The following TRIR variants were observed in gnomAD, a reference collection of about 807,000 sequenced individuals.
The protein encoded by TRIR is telomerase RNA component interacting RNase, also known as telomerase RNA component-interacting RNase.
Under a neutral mutation model 18.2 loss-of-function variants are expected in TRIR, and 5 were observed. The ratio of observed to expected loss-of-function variants is 0.27; its 90% CI spans 0.14 to 0.58. The LOEUF (loss-of-function observed/expected upper bound fraction) is 0.58. TRIR is among the 20% of genes least tolerant of loss of function. TRIR has a pLI of 0.91. For missense variants in TRIR, 206 were observed against 252.8 expected, an observed-to-expected ratio of 0.81 and a Z score of 1.25; for synonymous variants, 134 against 114.4, an observed-to-expected ratio of 1.17 and a Z score of -1.10.
chr19:12,734,598 G>A lies in TRIR; in HGVS notation c.60C>T (p.Gly20=), dbSNP rs764988388. The A allele has an allele frequency of 5.3e-6, 8 of 1,518,848 alleles. No homozygotes were observed. The South Asian group carries it at 6.1e-5, about 12-fold the overall frequency. 94.1% of individuals were successfully genotyped at this position (1,518,848 alleles called of 1,614,324 possible). Reference sequence around the variant, plus strand: ...CCCAACGGCTCCCGCCACCGCCACCGCCCGCGGGGCCCGGAGCCTCCCGGC... The same window carrying A: ...CCCAACGGCTCCCGCCACCGCCACCACCCGCGGGGCCCGGAGCCTCCCGGC... The part of the protein sequence containing the change: ...PQGREAPGPA[G]GGGGGSRWAE... The change falls in exon 1 of 3, where the codon GGC becomes GGT. Residue 20 remains glycine, a synonymous_variant. Transcript: ENST00000242784. This position sits in a 1 kb window ranked among gnomAD's most constrained non-coding sequence, Gnocchi z 4.1.
At chr19:12,732,597 T>C (rs77618103) in intron 1 of TRIR, among the ~76,000 whole-genome samples, 3,318 of 141,518 alleles carry the variant, frequency 0.023, 117 homozygotes, top group African/African-American at 0.08. Flanking sequence ...ACTATTTCCA[T>C]TTTTTTTTTT....
Position 12,734,273 on chromosome 19 carries a change from A to ACAGGC in TRIR, c.345+35_345+39dup. ...ACGGGCCCCGACTCCCGCTGCCAAGACAGGCCGTGGCGCCCGCCCCCACCC... is the reference window on the plus strand; with the variant it reads ...ACGGGCCCCGACTCCCGCTGCCAAGACAGGCCAGGCCGTGGCGCCCGCCCCCACCC... On this transcript the variant is annotated intron_variant, in intron 1 of 2. Coordinates refer to ENST00000242784, the MANE Select transcript of TRIR (RefSeq NM_024038.4). The surrounding 1 kb of genome is among the most constrained non-coding windows in gnomAD (Gnocchi z 4.1). The ACAGGC allele has an allele frequency of 3.6e-6, 5 of 1,379,264 alleles. No individual in the cohort carries two copies. Among genetic ancestry groups the ACAGGC allele is most frequent in the Non-Finnish European group, 4.7e-6 (5 of 1,068,002 alleles). The allele number at this position is 1,379,264 out of a possible 1,614,324, so 85.4% of individuals were successfully genotyped here.
intron 1 of TRIR, among the ~76,000 whole-genome samples, chr19:12,732,605 T>A (rs999103083): frequency 5.3e-5 from 8 of 151,940 alleles, no homozygotes; most frequent in Non-Finnish European, 1.0e-4. Context: ...CATTTTTTTT[T>A]TTTTTTGGAG....
In TRIR at chr19:12,730,646, A is replaced by G. The variant is rs1484610911; in HGVS notation, c.*315T>C. On this transcript the variant is annotated 3_prime_UTR_variant, in exon 3 of 3. Coordinates refer to ENST00000242784, the MANE Select transcript of TRIR (RefSeq NM_024038.4). ...GACAAACCAAGCACACAGCTCCGGC[A>G]CTAAGTCAAGTTCTTTACTTCCCAG... 4.8e-6 allele frequency: 2 copies of G among 416,096 alleles called. No homozygotes were observed. The highest frequency in any genetic ancestry group is 7.8e-5 in the Admixed American group (2 of 25,714). 25.8% of individuals were successfully genotyped at this position (416,096 alleles called of 1,614,324 possible).
rs1369753223 is a variant in TRIR at position 12,734,340 on chromosome 19, C to G, written c.318G>C (p.Lys106Asn). The G allele has an allele frequency of 6.9e-7, 1 of 1,451,346 alleles. No homozygotes were observed. The allele number at this position is 1,451,346 out of a possible 1,614,324, so 89.9% of individuals were successfully genotyped here. A position where few individuals can be genotyped will look rare whatever the true frequency, so the allele number is the denominator to read the frequency against. The change falls in exon 1 of 3, where the codon AAG (lysine) becomes AAC (asparagine). Residue 106 changes from lysine (K) to asparagine (N), a missense_variant. Coordinates refer to ENST00000242784, the MANE Select transcript of TRIR (RefSeq NM_024038.4). This position sits in a 1 kb window ranked among gnomAD's most constrained non-coding sequence, Gnocchi z 4.1. ...AGCTAAGTGTGGAGCCCGGACCGCC[C>G]TTCCTCTTCGGATCCCCGGGGCCAG... ...AAAGPGDPKRKGGPGSTLSFV... is the reference protein window; with the variant it reads ...AAAGPGDPKRNGGPGSTLSFV...
chr19:12,731,177 G>T lies in TRIR; in HGVS notation c.424-109C>A. 7.8e-7 allele frequency: 1 copy of T among 1,281,346 alleles called. No homozygotes were observed. Among genetic ancestry groups the T allele is most frequent in the Non-Finnish European group, 1.1e-6 (1 of 882,272 alleles). 79.4% of individuals were successfully genotyped at this position (1,281,346 alleles called of 1,614,324 possible). A position where few individuals can be genotyped will look rare whatever the true frequency, so the allele number is the denominator to read the frequency against. ...GTCACCCAGAAGACTCTGGGTTTGAGCTGAAGATTATAAAGTCAAGTTATC... is the reference window on the plus strand; with the variant it reads ...GTCACCCAGAAGACTCTGGGTTTGATCTGAAGATTATAAAGTCAAGTTATC... On this transcript the variant is annotated intron_variant, in intron 2 of 2. Transcript: ENST00000242784. The surrounding 1 kb of genome is among the most constrained non-coding windows in gnomAD (Gnocchi z 5.1).
In TRIR at chr19:12,734,618, C is replaced by T. The variant is rs1273767483; in HGVS notation, c.40G>A (p.Glu14Lys). 1 of 1,516,192 alleles carries T rather than the reference C, an allele frequency of 6.6e-7. No homozygotes were observed. The highest frequency in any genetic ancestry group is 8.8e-7 in the Non-Finnish European group (1 of 1,138,716). The allele number at this position is 1,516,192 out of a possible 1,614,324, so 93.9% of individuals were successfully genotyped here. Residue 14 changes from glutamate to lysine, a missense_variant, in exon 1 of 3, where the codon GAG (glutamate) becomes AAG (lysine). Around this residue, in one of 2 missense-constraint regions of TRIR, gnomAD observed 172 missense variants for 165.0 expected, o/e 1.04. Transcript: ENST00000242784. The surrounding 1 kb of genome is among the most constrained non-coding windows in gnomAD (Gnocchi z 4.1). ...CCACCGCCCGCGGGGCCCGGAGCCTCCCGGCCCTGAGGCTCCGCCCGTCTC... is the reference window on the plus strand; with the variant it reads ...CCACCGCCCGCGGGGCCCGGAGCCTTCCGGCCCTGAGGCTCCGCCCGTCTC... ...RGRRAEPQGR[E>K]APGPAGGGGG...
intron 1 of TRIR, among the ~76,000 whole-genome samples, chr19:12,732,247 G>A (rs183284202): frequency 1.3e-5 from 2 of 152,172 alleles, no homozygotes; most frequent in South Asian, 2.1e-4. Flanking sequence ...CAGGTGGGTC[G>A]AAGCCTCTGG....
In TRIR at chr19:12,734,296, C is replaced by G; in HGVS notation, c.345+17G>C. 7.2e-7 allele frequency: 1 copy of G among 1,388,144 alleles called. No homozygotes were observed. The highest frequency in any genetic ancestry group is 9.3e-7 in the Non-Finnish European group (1 of 1,071,962). 86.0% of individuals were successfully genotyped at this position (1,388,144 alleles called of 1,614,324 possible). A position where few individuals can be genotyped will look rare whatever the true frequency, so the allele number is the denominator to read the frequency against. ...AGACAGGCCGTGGCGCCCGCCCCCA[C>G]CCCCACGGCTCCTTACGAAGCTAAG... On this transcript the variant is annotated intron_variant, in intron 1 of 2. Coordinates refer to ENST00000242784, the MANE Select transcript of TRIR (RefSeq NM_024038.4). The surrounding 1 kb of genome is among the most constrained non-coding windows in gnomAD (Gnocchi z 4.1).
chr19:12,731,644 C>T lies in TRIR; in HGVS notation c.346-223G>A. 1 of 577,448 alleles carries T rather than the reference C, an allele frequency of 1.7e-6. No homozygotes were observed. Among genetic ancestry groups the T allele is most frequent in the Non-Finnish European group, 3.1e-6 (1 of 324,580 alleles). 35.8% of individuals were successfully genotyped at this position (577,448 alleles called of 1,614,324 possible). A position where few individuals can be genotyped will look rare whatever the true frequency, so the allele number is the denominator to read the frequency against. On this transcript the variant is annotated intron_variant, in intron 1 of 2. Transcript: ENST00000242784. This position sits in a 1 kb window ranked among gnomAD's most constrained non-coding sequence, Gnocchi z 5.1. ...TCCCAGGGAGCAAGAAGAGTGTCCA[C>T]CTCAGTAGGGACCAGCTCTGTTCTC...
Position 12,730,837 on chromosome 19 carries a change from G to A in TRIR, c.*124C>T, listed in dbSNP as rs1967413592. ...TCCTGGAGAATCGTCCACGGCTGCG[G>A]GAAGCATCTCGGTTTCCTTCTGCTT... is the stretch of plus-strand genomic sequence containing the variant. On this transcript the variant is annotated 3_prime_UTR_variant, in exon 3 of 3. Coordinates refer to ENST00000242784, the MANE Select transcript of TRIR (RefSeq NM_024038.4). 1.2e-6 allele frequency: 1 copy of A among 855,648 alleles called. No homozygotes were observed. Among genetic ancestry groups the A allele is most frequent in the Admixed American group, 2.2e-5 (1 of 45,728 alleles). The allele number at this position is 855,648 out of a possible 1,614,324, so 53.0% of individuals were successfully genotyped here. A position where few individuals can be genotyped will look rare whatever the true frequency, so the allele number is the denominator to read the frequency against.
intron 1 of TRIR, among the ~76,000 whole-genome samples, chr19:12,732,299 C>G (rs1203843055): frequency 6.6e-6 from 1 of 152,152 alleles, no homozygotes; most frequent in Non-Finnish European, 1.5e-5. Context: ...TTCCCTGTGC[C>G]TAGCCTGGCA....
chr19:12,733,862 A>T (rs1433857333), intron 1 of TRIR, among the ~76,000 whole-genome samples: 1 of 152,200 alleles, frequency 6.6e-6, no homozygotes, highest in Non-Finnish European at 1.5e-5. Flanking sequence ...CAATAAATGG[A>T]GGTTGGTCGA....
rs748571862 is a variant in TRIR at position 12,731,531 on chromosome 19, C to T, written c.346-110G>A. 7.9e-5 allele frequency: 94 copies of T among 1,195,736 alleles called. No individual in the cohort carries two copies. The highest frequency in any genetic ancestry group is 2.1e-4 in the Middle Eastern group (1 of 4,874). 74.1% of individuals were successfully genotyped at this position (1,195,736 alleles called of 1,614,324 possible). On this transcript the variant is annotated intron_variant, in intron 1 of 2. Transcript: ENST00000242784. The surrounding 1 kb of genome is among the most constrained non-coding windows in gnomAD (Gnocchi z 5.1). ...CCGGCCTGGTGGCCCGTCCTGACGCCGCGCCCAGCTCCGCCAGCCGGCCGA... is the reference window on the plus strand; with the variant it reads ...CCGGCCTGGTGGCCCGTCCTGACGCTGCGCCCAGCTCCGCCAGCCGGCCGA...
Position 12,731,554 on chromosome 19 carries a change from C to T in TRIR, c.346-133G>A. ...GCCGCGCCCAGCTCCGCCAGCCGGC[C>T]GACCTGCGCAGCAATCAGAGAGGAG... On this transcript the variant is annotated intron_variant, in intron 1 of 2. Transcript: ENST00000242784. This position sits in a 1 kb window ranked among gnomAD's most constrained non-coding sequence, Gnocchi z 5.1. 2 of 926,200 alleles carry T rather than the reference C, an allele frequency of 2.2e-6. No individual in the cohort carries two copies. Among genetic ancestry groups the T allele is most frequent in the East Asian group, 2.6e-5 (1 of 39,010 alleles). The allele number at this position is 926,200 out of a possible 1,614,324, so 57.4% of individuals were successfully genotyped here.
Position 12,730,664 on chromosome 19 carries a change from C to G in TRIR, c.*297G>C. On this transcript the variant is annotated 3_prime_UTR_variant, in exon 3 of 3. Transcript: ENST00000242784. The stretch of plus-strand genomic sequence containing the variant: ...CTCCGGCACTAAGTCAAGTTCTTTA[C>G]TTCCCAGAAGTGATGGCTAAGGGGA... 1 of 455,864 alleles carries G rather than the reference C, an allele frequency of 2.2e-6. No homozygotes were observed. The highest frequency in any genetic ancestry group is 2.5e-5 in the South Asian group (1 of 40,224). 28.2% of individuals were successfully genotyped at this position (455,864 alleles called of 1,614,324 possible).
In TRIR at chr19:12,730,770, C is replaced by G; in HGVS notation, c.*191G>C. 1 of 612,120 alleles carries G rather than the reference C, an allele frequency of 1.6e-6. No homozygotes were observed. Among genetic ancestry groups the G allele is most frequent in the Admixed American group, 2.8e-5 (1 of 35,640 alleles). The allele number at this position is 612,120 out of a possible 1,614,324, so 37.9% of individuals were successfully genotyped here. ...AAGGGGGGGACAGTAAACCACTGTT[C>G]TATGAAGTCTCACGAGGCAAGTGCT... On this transcript the variant is annotated 3_prime_UTR_variant, in exon 3 of 3. Coordinates refer to ENST00000242784, the MANE Select transcript of TRIR (RefSeq NM_024038.4).
Position 12,731,096 on chromosome 19 carries a change from G to A in TRIR, c.424-28C>T, listed in dbSNP as rs374134076. ...GTGGAAAGGGGATACGGGTTAGGAC[G>A]GGGGTGCCAGGAACCAGGGTCAGGA... On this transcript the variant is annotated intron_variant, in intron 2 of 2. Transcript: ENST00000242784. The surrounding 1 kb of genome is among the most constrained non-coding windows in gnomAD (Gnocchi z 5.1). 8.9e-6 allele frequency: 14 copies of A among 1,579,368 alleles called. No homozygotes were observed. Among genetic ancestry groups the A allele is most frequent in the Admixed American group, 5.0e-5 (3 of 59,930 alleles).
chr19:12,730,709 GA>G lies in TRIR; in HGVS notation c.*251del. The G allele has an allele frequency of 1.8e-6, 1 of 557,006 alleles. No homozygotes were observed. The highest frequency in any genetic ancestry group is 3.2e-6 in the Non-Finnish European group (1 of 310,800). The allele number at this position is 557,006 out of a possible 1,614,324, so 34.5% of individuals were successfully genotyped here. A position where few individuals can be genotyped will look rare whatever the true frequency, so the allele number is the denominator to read the frequency against. ...AGGGGAGGGAGGAGGGTGAGAAGAGGAAGACAGAAAGAGCCAGAGAGAATGA... is the reference window on the plus strand; with the variant it reads ...AGGGGAGGGAGGAGGGTGAGAAGAGGAGACAGAAAGAGCCAGAGAGAATGA... On this transcript the variant is annotated 3_prime_UTR_variant, in exon 3 of 3. Coordinates refer to ENST00000242784, the MANE Select transcript of TRIR (RefSeq NM_024038.4).
Sources: allele counts gnomAD v4.1 joint callset (sites outside exome capture counted in the v4.1 genomes callset), GRCh38; gene constraint gnomAD v4.1.1; regional missense constraint gnomAD v4.1.1; non-coding constraint Gnocchi (gnomAD v3.1); transcripts MANE v1.5; gene names NCBI Gene and HGNC (gene_info 2026-07-23, HGNC 2026-07-21).